The following LRRN1 variants were observed in gnomAD, a reference collection of about 807,000 sequenced individuals.
LRRN1 encodes the protein leucine-rich repeat neuronal protein 1.
In LRRN1, 14 loss-of-function variants were observed where a neutral mutation model predicts 45.8. The observed-to-expected ratio is 0.31, with a 90% CI of 0.20 to 0.48. LRRN1 has a LOEUF of 0.48. Among genes scored for constraint, LRRN1 ranks in the 20% least tolerant of loss-of-function variants. The pLI is 0.99. For synonymous variants in LRRN1, 359 were observed against 330.1 expected (o/e 1.09, Z -0.95); for missense variants, 789 against 874.2 (o/e 0.90, Z 1.23).
chr3:3,840,864 G>A (rs1693637998), intron 1 of LRRN1, among the ~76,000 whole-genome samples: 1 of 152,042 alleles, frequency 6.6e-6, no homozygotes, highest in African/African-American at 2.4e-5. Context: ...ACTAAAATGG[G>A]GGCATTAGCT....
chr3:3,831,170 G>T (rs925621353), intron 1 of LRRN1, among the ~76,000 whole-genome samples: 1 of 152,136 alleles, frequency 6.6e-6, no homozygotes, highest in Admixed American at 6.5e-5. Flanking sequence ...TAAATGGGCC[G>T]GAGTAACACA....
At chr3:3,825,068 C>A (rs548423035) in intron 1 of LRRN1, among the ~76,000 whole-genome samples, 1 of 152,224 alleles carries the variant, frequency 6.6e-6, no homozygotes. Flanking sequence ...ACACCCTTCC[C>A]GTCTGTCCCA....
chr3:3,832,638 A>T (rs971119264), intron 1 of LRRN1, among the ~76,000 whole-genome samples: 3 of 152,180 alleles, frequency 2.0e-5, no homozygotes, highest in Non-Finnish European at 4.4e-5. Flanking sequence ...TGGAAGAAAG[A>T]TTCACTGCAT....
At chr3:3,843,626 G>T (rs1419023305) in intron 1 of LRRN1, among the ~76,000 whole-genome samples, 2 of 151,914 alleles carry the variant, frequency 1.3e-5, no homozygotes, top group African/African-American at 4.8e-5. Context: ...GTCCCTGCAG[G>T]TTGTCCTATT....
rs1693745426 is a variant in LRRN1 at position 3,845,411 on chromosome 3, T to G, written c.770T>G (p.Leu257Arg). ...YDNKLVKVPQLALQKVPNLKF... is the reference protein window; with the variant it reads ...YDNKLVKVPQRALQKVPNLKF... ...AACAAACTGGTTAAAGTCCCTCAAC[T>G]TGCCCTGCAAAAAGTTCCAAATTTG... is the stretch of plus-strand genomic sequence containing the variant. The change falls in exon 2 of 2, where the codon CTT becomes CGT. Residue 257 changes from leucine (L) to arginine (R), a missense_variant. Physicochemically the swap from Leu to Arg is moderately radical, Grantham distance 102. Coordinates refer to ENST00000319331, the MANE Select transcript of LRRN1 (RefSeq NM_020873.7). This position sits in a 1 kb window ranked among gnomAD's most constrained non-coding sequence, Gnocchi z 6.5. 6.2e-7 allele frequency: 1 copy of G among 1,613,994 alleles called. No individual in the cohort carries two copies. The highest frequency in any genetic ancestry group is 1.3e-5 in the African/African-American group (1 of 74,920).
At chr3:3,835,703 G>C (rs1445612082) in intron 1 of LRRN1, among the ~76,000 whole-genome samples, 1 of 150,688 alleles carries the variant, frequency 6.6e-6, no homozygotes, top group Non-Finnish European at 1.5e-5. Context: ...ATAGAGCTAA[G>C]TCCCACCGAA....
chr3:3,827,296 C>T (rs2106461751), intron 1 of LRRN1: 1 of 246,042 alleles, frequency 4.1e-6, no homozygotes, highest in East Asian at 1.0e-4. Context: ...AAGCCGCATT[C>T]TTAACTTTAT....
At position 3,844,605 on chromosome 3, in the gene LRRN1, T is replaced by A. The variant is rs775563434; in HGVS notation, c.-37T>A. The A allele has an allele frequency of 6.6e-7, 1 of 1,520,902 alleles. No homozygotes were observed. Among genetic ancestry groups the A allele is most frequent in the East Asian group, 2.3e-5 (1 of 44,216 alleles). The allele number at this position is 1,520,902 out of a possible 1,614,324, so 94.2% of individuals were successfully genotyped here. On this transcript the variant is annotated 5_prime_UTR_variant, in exon 2 of 2. Transcript: ENST00000319331. ...TAGTGTTCACGTTTTGTTAAAACTT[T>A]GGGGTGTCAGGAGTTGAGCTTGCTC...
intron 1 of LRRN1, among the ~76,000 whole-genome samples, chr3:3,831,064 A>G (rs1363354107): frequency 6.6e-6 from 1 of 152,212 alleles, no homozygotes; most frequent in Non-Finnish European, 1.5e-5. Context: ...ATATGGCCCA[A>G]GTGGCAGAGC....
At position 3,847,063 on chromosome 3, in the gene LRRN1, T is replaced by C; in HGVS notation, c.*271T>C. On this transcript the variant is annotated 3_prime_UTR_variant, in exon 2 of 2. Transcript: ENST00000319331. ...TATATTATTATTTTATTTTAGTTGT[T>C]GTGCTAAACTCAATAATGCTGTTCT... is the stretch of plus-strand genomic sequence containing the variant. 1 of 245,410 alleles carries C rather than the reference T, an allele frequency of 4.1e-6. No individual in the cohort carries two copies. The highest frequency in any genetic ancestry group is 8.8e-5 in the East Asian group (1 of 11,376). 15.2% of individuals were successfully genotyped at this position (245,410 alleles called of 1,614,324 possible). A position where few individuals can be genotyped will look rare whatever the true frequency, so the allele number is the denominator to read the frequency against.
Position 3,845,443 on chromosome 3 carries a change from T to G in LRRN1, c.802T>G (p.Leu268Val), listed in dbSNP as rs1166248909. The change falls in exon 2 of 2, where the codon TTA (leucine) becomes GTA (valine). Residue 268 changes from leucine to valine, a missense_variant. Transcript: ENST00000319331. The surrounding 1 kb of genome is among the most constrained non-coding windows in gnomAD (Gnocchi z 6.5). Reference sequence around the variant, plus strand: ...GCAAAAAGTTCCAAATTTGAAATTCTTAGACCTCAACAAAAACCCCATTCA... The same window carrying G: ...GCAAAAAGTTCCAAATTTGAAATTCGTAGACCTCAACAAAAACCCCATTCA... ...ALQKVPNLKFLDLNKNPIHKI... is the reference protein window; with the variant it reads ...ALQKVPNLKFVDLNKNPIHKI... 1 of 1,614,144 alleles carries G rather than the reference T, an allele frequency of 6.2e-7. No homozygotes were observed. Among genetic ancestry groups the G allele is most frequent in the Admixed American group, 1.7e-5 (1 of 60,016 alleles).
Position 3,849,481 on chromosome 3 carries a change from TAGAC to T in LRRN1, c.*2692_*2695del, listed in dbSNP as rs1183968438. 2.0e-5 allele frequency among the ~76,000 whole-genome samples: 3 copies of T among 151,910 alleles called. No individual in the cohort carries two copies. Among genetic ancestry groups the T allele is most frequent in the Admixed American group, 2.0e-4 (3 of 15,196 alleles). On this transcript the variant is annotated 3_prime_UTR_variant, in exon 2 of 2. Transcript: ENST00000319331. ...CTCATTTGTATTTAATTTCATAAAT[TAGAC>T]AGCCAGTGAAATTAGACCTCAAACT...
intron 1 of LRRN1, among the ~76,000 whole-genome samples, chr3:3,814,071 T>C (rs1200435877): frequency 1.3e-5 from 2 of 151,524 alleles, no homozygotes; most frequent in Admixed American, 6.6e-5. Flanking sequence ...TATATTTCCC[T>C]AGTGTCTTTT....
intron 1 of LRRN1, chr3:3,822,875 G>C (rs572337863): frequency 6.6e-6 from 1 of 152,300 alleles, no homozygotes; most frequent in Non-Finnish European, 1.5e-5. Context: ...TCATCGGGGG[G>C]AGAAGAAGAC....
intron 1 of LRRN1, among the ~76,000 whole-genome samples, chr3:3,834,096 C>T (rs189229321): frequency 5.9e-5 from 9 of 152,188 alleles, no homozygotes; most frequent in South Asian, 2.1e-4. Flanking sequence ...ATTTGAGGCT[C>T]GGTATCTGCT....
intron 1 of LRRN1, among the ~76,000 whole-genome samples, chr3:3,831,962 G>A (rs1693381150): frequency 6.6e-6 from 1 of 152,232 alleles, no homozygotes; most frequent in East Asian, 1.9e-4. Context: ...CTTATGGACA[G>A]AAATGGAGAA....
At position 3,820,017 on chromosome 3, in the gene LRRN1, G is replaced by A. The variant is rs138303659; in HGVS notation, c.-279+20098G>A. 2.4e-3 allele frequency among the ~76,000 whole-genome samples: 368 copies of A among 152,024 alleles called. 4 individuals carry two copies. The highest frequency in any genetic ancestry group is 6.8e-3 in the Middle Eastern group (2 of 292). ...TATGCTCATTCTCGTATTCTAAAGA[G>A]CTGCCTTCCCAGGGATCCTGTTTTC... On this transcript the variant is annotated intron_variant, in intron 1 of 1. Transcript: ENST00000319331.
At chr3:3,828,085 T>C (rs1208727319) in intron 1 of LRRN1, among the ~76,000 whole-genome samples, 3 of 151,330 alleles carry the variant, frequency 2.0e-5, no homozygotes, top group African/African-American at 7.3e-5. Flanking sequence ...GCTCACTATG[T>C]GCTGGATATT....
At chr3:3,827,113 C>T (rs10780026) in intron 1 of LRRN1, 85,873 of 164,748 alleles carry the variant, frequency 0.52, 25,572 homozygotes, top group Non-Finnish European at 0.67. Flanking sequence ...TGCCATGTGC[C>T]AGGCCCTCTG....
Sources: allele counts gnomAD v4.1 joint callset (sites outside exome capture counted in the v4.1 genomes callset), GRCh38; gene constraint gnomAD v4.1.1; non-coding constraint Gnocchi (gnomAD v3.1); transcripts MANE v1.5; gene names NCBI Gene and HGNC (gene_info 2026-07-23, HGNC 2026-07-21).